The following MTHFD1 variants were observed in gnomAD, a reference collection of about 807,000 sequenced individuals.
MTHFD1 encodes the protein C-1-tetrahydrofolate synthase, cytoplasmic.
Under a neutral mutation model 110.3 loss-of-function variants are expected in MTHFD1, and 44 were observed. The ratio of observed to expected loss-of-function variants is 0.40; its 90% CI spans 0.31 to 0.51. The LOEUF is 0.51. MTHFD1 is among the 20% of genes least tolerant of loss of function. The pLI is 0.60. For missense variants in MTHFD1, 909 were observed against 1,173.1 expected, an observed-to-expected ratio of 0.77 and a Z score of 3.29; for synonymous variants, 402 against 428.8, an observed-to-expected ratio of 0.94 and a Z score of 0.77.
At chr14:64,446,537 GT>G (rs1566573710) in intron 22 of MTHFD1, among the ~76,000 whole-genome samples, 1 of 151,896 alleles carries the variant, frequency 6.6e-6, no homozygotes, top group East Asian at 1.9e-4. Context: ...TTTTTGGTGG[GT>G]TTTTTTGTTT....
intron 22 of MTHFD1, among the ~76,000 whole-genome samples, chr14:64,446,519 G>A (rs1399634058): frequency 6.6e-6 from 1 of 152,076 alleles, no homozygotes; most frequent in Non-Finnish European, 1.5e-5. Context: ...TTAGTTTGTA[G>A]TACTTGGTTT....
intron 2 of MTHFD1, among the ~76,000 whole-genome samples, chr14:64,408,305 TGAGATGGAGTTTCACTC>T (rs2077954090): frequency 6.6e-6 from 1 of 150,626 alleles, no homozygotes; most frequent in African/African-American, 2.4e-5. Context: ...TTTTTTTTTT[TGAGATGGAGTTTCACTC>T]TTGTCGCCCA....
chr14:64,448,302 C>T lies in MTHFD1; in HGVS notation c.2264C>T (p.Ala755Val), dbSNP rs773981690. Reference protein sequence around the residue: ...ARMFGIPVVVAVNAFKTDTES... With the variant: ...ARMFGIPVVVVVNAFKTDTES... ...ATGTTTGGAATTCCAGTAGTAGTGG[C>T]CGTGAATGCATTCAAGTAAGTGTAG... The change falls in exon 23 of 28, where the codon GCC (alanine) becomes GTC (valine). Residue 755 changes from alanine (A) to valine (V), a missense_variant. By Grantham distance (64) the Ala-to-Val change is moderately conservative (BLOSUM62 0). This residue lies in a region of MTHFD1 where 482 missense variants were observed against 646.0 expected (regional missense o/e 0.75). Transcript: ENST00000652337. 24 of 1,612,526 alleles carry T rather than the reference C, an allele frequency of 1.5e-5. No individual in the cohort carries two copies. Among genetic ancestry groups the T allele is most frequent in the Non-Finnish European group, 1.6e-5 (19 of 1,178,680 alleles).
chr14:64,433,736 T>A (rs2078181004), intron 15 of MTHFD1, among the ~76,000 whole-genome samples: 1 of 148,640 alleles, frequency 6.7e-6, no homozygotes, highest in Non-Finnish European at 1.5e-5. Flanking sequence ...TTTTTTTTTT[T>A]AAGAGATGAG....
chr14:64,423,941 A>G (rs927711097), intron 8 of MTHFD1, among the ~76,000 whole-genome samples: 1 of 150,902 alleles, frequency 6.6e-6, no homozygotes, highest in Non-Finnish European at 1.5e-5. Flanking sequence ...GTTAGCCAGG[A>G]TGGTCTTGAT....
intron 1 of MTHFD1, among the ~76,000 whole-genome samples, chr14:64,394,661 G>A (rs901928513): frequency 6.6e-6 from 1 of 152,038 alleles, no homozygotes; most frequent in African/African-American, 2.4e-5. Context: ...TTTTGCCAGA[G>A]CCTGTCAGGA....
intron 8 of MTHFD1, among the ~76,000 whole-genome samples, chr14:64,420,363 T>C (rs994266804): frequency 6.6e-6 from 1 of 152,178 alleles, no homozygotes; most frequent in African/African-American, 2.4e-5. Context: ...ACCTGGGTTT[T>C]TTTCTAGGCT....
intron 2 of MTHFD1, 108 bp downstream of exon 2, chr14:64,400,985 T>C (rs1596532373): frequency 2.5e-6 from 2 of 798,114 alleles, no homozygotes; most frequent in Non-Finnish European, 4.3e-6. Context: ...TTGTGTAATC[T>C]CATGCCTTTT....
At chr14:64,407,621 T>A (rs2077945497) in intron 2 of MTHFD1, among the ~76,000 whole-genome samples, 1 of 150,702 alleles carries the variant, frequency 6.6e-6, no homozygotes. Context: ...CTCTGCTCAC[T>A]GAAACCTCTG....
At chr14:64,405,700 A>G (rs1207075665) in intron 2 of MTHFD1, among the ~76,000 whole-genome samples, 2 of 152,076 alleles carry the variant, frequency 1.3e-5, no homozygotes, top group Non-Finnish European at 2.9e-5. Context: ...GGGCCACTAT[A>G]GTTACCTGCT....
chr14:64,441,506 AGTG>A, intron 19 of MTHFD1, 53 bp downstream of exon 19: 1 of 1,573,018 alleles, frequency 6.4e-7, no homozygotes, highest in Admixed American at 1.7e-5. Context: ...GTCAGAGCAG[AGTG>A]GTTATAAAGC....
chr14:64,438,657 C>T (rs753159753), intron 16 of MTHFD1, among the ~76,000 whole-genome samples: 3 of 152,158 alleles, frequency 2.0e-5, no homozygotes, highest in Non-Finnish European at 4.4e-5. Flanking sequence ...TGGCACCCAG[C>T]GTGTTTCAAA....
At chr14:64,418,274 C>T (rs1031951084) in intron 7 of MTHFD1, among the ~76,000 whole-genome samples, 15 of 151,648 alleles carry the variant, frequency 9.9e-5, no homozygotes, top group African/African-American at 2.7e-4. Context: ...CATAGTGAGA[C>T]GCTTTCTCTG....
At chr14:64,436,620 A>T (rs1241280333) in intron 16 of MTHFD1, among the ~76,000 whole-genome samples, 1 of 152,216 alleles carries the variant, frequency 6.6e-6, no homozygotes, top group Non-Finnish European at 1.5e-5. Context: ...ACTCATGCAG[A>T]ATAGAGCTGA....
chr14:64,458,347 T>C (rs747834647), intron 27 of MTHFD1, 40 bp downstream of exon 27: 2 of 1,271,132 alleles, frequency 1.6e-6, no homozygotes, highest in South Asian at 1.2e-5. Flanking sequence ...TTTTTCCTCA[T>C]GTAGCTTATT....
intron 1 of MTHFD1, among the ~76,000 whole-genome samples, chr14:64,391,586 C>T (rs995578892): frequency 6.6e-6 from 1 of 152,182 alleles, no homozygotes; most frequent in Non-Finnish European, 1.5e-5. Flanking sequence ...CCTGGGAGCT[C>T]GGACATCAAC....
chr14:64,440,015 T>A, intron 17 of MTHFD1, 111 bp from the exon 18 acceptor site: 2 of 911,066 alleles, frequency 2.2e-6, no homozygotes, highest in Non-Finnish European at 3.4e-6. Context: ...TGTTATTCTA[T>A]CCTTTTAAGC....
At position 64,453,880 on chromosome 14, in the gene MTHFD1, T is replaced by C; in HGVS notation, c.2565+19T>C. 3 of 1,494,292 alleles carry C rather than the reference T, an allele frequency of 2.0e-6. No homozygotes were observed. The highest frequency in any genetic ancestry group is 2.8e-6 in the Non-Finnish European group (3 of 1,071,874). The allele number at this position is 1,494,292 out of a possible 1,614,324, so 92.6% of individuals were successfully genotyped here. ...GAAGCAGGTAGATGTTTGGTTAGTTTGTCCTTTCAACTCTTTGCAAAGCAG... is the reference window on the plus strand; with the variant it reads ...GAAGCAGGTAGATGTTTGGTTAGTTCGTCCTTTCAACTCTTTGCAAAGCAG... On this transcript the variant is annotated intron_variant, in intron 25 of 27. Transcript: ENST00000652337.
At chr14:64,446,411 A>G (rs74058118) in intron 22 of MTHFD1, among the ~76,000 whole-genome samples, 1,886 of 152,304 alleles carry the variant, frequency 0.012, 40 homozygotes, top group African/African-American at 0.043. Flanking sequence ...TCATTGGCCC[A>G]GTCCCCCTTG....
Sources: gnomAD v4.1 joint callset for allele counts (sites outside exome capture counted in the v4.1 genomes callset) on GRCh38, gnomAD v4.1.1 for gene constraint, gnomAD v4.1.1 regional missense constraint, MANE v1.5 for transcripts, NCBI Gene and HGNC (gene_info 2026-07-23, HGNC 2026-07-21) for gene names.